IARS2: variants seen among roughly 807,000 people sequenced by gnomAD.
The protein encoded by IARS2 is isoleucyl-tRNA synthetase 2, mitochondrial, also known as isoleucine--tRNA ligase, mitochondrial.
In IARS2, 56 loss-of-function variants were observed where a neutral mutation model predicts 126.3. That is an observed-to-expected ratio of 0.44 (90% confidence interval 0.36 to 0.55). IARS2 has a LOEUF of 0.55. Among genes scored for constraint, IARS2 ranks in the 20% least tolerant of loss-of-function variants. The pLI is 0.00. For missense variants in IARS2, 1,127 were observed against 1,245.9 expected (o/e 0.90, Z 1.44); for synonymous variants, 407 against 441.1 (o/e 0.92, Z 0.97).
At chr1:220,099,640 T>C (rs1383894161) in intron 2 of IARS2, among the ~76,000 whole-genome samples, 2 of 152,186 alleles carry the variant, frequency 1.3e-5, no homozygotes, top group South Asian at 2.1e-4. Context: ...AGATGGGCTC[T>C]CTGATTTCAT....
Position 220,118,402 on chromosome 1 carries a change from G to A in IARS2, c.1640+3928G>A, listed in dbSNP as rs577222789. ...TGTTTTATTTTGATTTGAATTAATA[G>A]TGTCATTTGCATTTTAGATCATATT... is the stretch of plus-strand genomic sequence containing the variant. On this transcript the variant is annotated intron_variant, in intron 12 of 22. Transcript: ENST00000366922. Among the ~76,000 whole-genome samples the A allele has an allele frequency of 1.1e-3, 166 of 152,210 alleles. 1 individual carries two copies. The highest frequency in any genetic ancestry group is 3.8e-3 in the African/African-American group (157 of 41,556).
chr1:220,143,805 T>G (rs1657533771), intron 21 of IARS2, among the ~76,000 whole-genome samples: 1 of 152,238 alleles, frequency 6.6e-6, no homozygotes, highest in South Asian at 2.1e-4. Flanking sequence ...AATTTTATTC[T>G]TGGGATTTTT....
At chr1:220,126,960 T>C (rs896174667) in intron 14 of IARS2, 117 bp downstream of exon 14, 2 of 697,892 alleles carry the variant, frequency 2.9e-6, no homozygotes, top group African/African-American at 3.6e-5. Flanking sequence ...AGAGATCTGC[T>C]ATATTTTAGA....
At chr1:220,102,333 C>G (rs1336731349) in intron 4 of IARS2, 30 bp from the exon 5 acceptor site, 1 of 1,610,742 alleles carries the variant, frequency 6.2e-7, no homozygotes, top group Admixed American at 1.7e-5. Context: ...CAAGATTCTA[C>G]TTTTAACATC....
intron 12 of IARS2, among the ~76,000 whole-genome samples, chr1:220,119,084 C>A (rs1237831819): frequency 2.0e-5 from 3 of 152,156 alleles, no homozygotes; most frequent in Non-Finnish European, 2.9e-5. Flanking sequence ...GGGATGACAG[C>A]AGTCGTTTCT....
At chr1:220,099,690 A>G (rs1056804797) in intron 2 of IARS2, among the ~76,000 whole-genome samples, 21 of 152,332 alleles carry the variant, frequency 1.4e-4, no homozygotes, top group African/African-American at 5.1e-4. Context: ...AAAAATAAGT[A>G]AACAATTTCC....
intron 12 of IARS2, among the ~76,000 whole-genome samples, chr1:220,121,593 A>G (rs959474729): frequency 6.6e-6 from 1 of 152,182 alleles, no homozygotes; most frequent in African/African-American, 2.4e-5. Context: ...ATTTAGGAAT[A>G]TGAAAAAGAA....
intron 11 of IARS2, 133 bp downstream of exon 11, chr1:220,111,070 T>A: frequency 1.2e-6 from 1 of 810,650 alleles, no homozygotes; most frequent in Non-Finnish European, 1.9e-6. Context: ...CATAACATTG[T>A]AGAATTTTAG....
At chr1:220,107,242 C>A in intron 10 of IARS2, 91 bp downstream of exon 10, 2 of 770,106 alleles carry the variant, frequency 2.6e-6, no homozygotes, top group African/African-American at 1.8e-5. Flanking sequence ...TATACTTTAA[C>A]AGAAACAAAA....
chr1:220,102,500 C>T lies in IARS2; in HGVS notation c.755C>T (p.Ala252Val), dbSNP rs1336385278. The change falls in exon 6 of 23, where the codon GCA becomes GTA. Residue 252 changes from alanine to valine, a missense_variant. Physicochemically the swap from Ala to Val is moderately conservative, Grantham distance 64. Transcript: ENST00000366922. ...TTAATATTTTTAACCCTTAGGACTG[C>T]ATTGGCTGAAGCAGAACTTGAATAT... ...PVFWSPSSRT[A>V]LAEAELEYNP... 1.1e-5 allele frequency: 18 copies of T among 1,613,256 alleles called. No homozygotes were observed. The highest frequency in any genetic ancestry group is 2.2e-5 in the East Asian group (1 of 44,842).
At chr1:220,098,920 A>G (rs948158336) in intron 2 of IARS2, among the ~76,000 whole-genome samples, 6 of 152,170 alleles carry the variant, frequency 3.9e-5, no homozygotes, top group Non-Finnish European at 5.9e-5. Context: ...CAGTAGAAAT[A>G]CAATGCAAGC....
At chr1:220,113,166 A>G (rs1460920414) in intron 11 of IARS2, among the ~76,000 whole-genome samples, 1 of 152,122 alleles carries the variant, frequency 6.6e-6, no homozygotes, top group African/African-American at 2.4e-5. Flanking sequence ...TGCTCGGCCA[A>G]ACTCTTTAAA....
intron 20 of IARS2, among the ~76,000 whole-genome samples, 191 bp from the exon 21 acceptor site, chr1:220,142,753 A>G (rs1657515250): frequency 2.0e-5 from 3 of 152,076 alleles, no homozygotes; most frequent in Non-Finnish European, 2.9e-5. Flanking sequence ...TTTTGTTTAA[A>G]TATAACAAAG....
At chr1:220,126,914 C>A (rs1219829084) in intron 14 of IARS2, 71 bp downstream of exon 14, 7 of 1,073,440 alleles carry the variant, frequency 6.5e-6, no homozygotes, top group Non-Finnish European at 9.7e-6. Context: ...TAGAAGGGAT[C>A]TATAATCAAA....
Position 220,126,786 on chromosome 1 carries a change from C to G in IARS2, c.1780C>G (p.Gln594Glu), listed in dbSNP as rs151085900. Residue 594 changes from glutamine to glutamate, a missense_variant, in exon 14 of 23, where the codon CAG becomes GAG. Coordinates refer to ENST00000366922, the MANE Select transcript of IARS2 (RefSeq NM_018060.4). ...GPDALEYVPGQDILDIWFDSG... is the reference protein window; with the variant it reads ...GPDALEYVPGEDILDIWFDSG... Reference sequence around the variant, plus strand: ...TGATGCCTTGGAATATGTGCCAGGTCAGGATATTTTGGACATCTGGTTTGA... The same window carrying G: ...TGATGCCTTGGAATATGTGCCAGGTGAGGATATTTTGGACATCTGGTTTGA... The G allele has an allele frequency of 8.2e-5, 133 of 1,613,246 alleles. No individual in the cohort carries two copies. The East Asian group carries it at 2.9e-3, about 35-fold the overall frequency.
chr1:220,100,377 G>A (rs112076704), intron 2 of IARS2, 113 bp from the exon 3 acceptor site: 4 of 868,408 alleles, frequency 4.6e-6, no homozygotes, highest in Non-Finnish European at 6.8e-6. Flanking sequence ...AACATAAATT[G>A]TAGGCCAAAT....
chr1:220,100,366 G>T (rs1044537781), intron 2 of IARS2, 124 bp from the exon 3 acceptor site: 7 of 766,180 alleles, frequency 9.1e-6, no homozygotes, highest in Non-Finnish European at 1.2e-5. Flanking sequence ...TTAAAAAAAA[G>T]AACATAAATT....
At chr1:220,134,353 ATTAAC>A (rs1657325753) in intron 14 of IARS2, 44 bp from the exon 15 acceptor site, 1 of 1,275,432 alleles carries the variant, frequency 7.8e-7, no homozygotes, top group African/African-American at 1.5e-5. Flanking sequence ...TTCTATTTTA[ATTAAC>A]TTAAATTTCT....
rs1285016132 is a variant in IARS2, at chr1:220,140,233, A to G, written c.2358A>G (p.Leu786=). 3.1e-6 allele frequency: 5 copies of G among 1,613,064 alleles called. No homozygotes were observed. The highest frequency in any genetic ancestry group is 2.5e-6 in the Non-Finnish European group (3 of 1,179,194). The change falls in exon 19 of 23, where the codon TTA becomes TTG. Residue 786 remains leucine, a synonymous_variant. Transcript: ENST00000366922. ...ATTTTGGAAAAGTTGTTCGGCTGTT[A>G]CGGACGTTTTATACCAGAGAGCTCT... ...QYDFGKVVRL[L]RTFYTRELSN... is the part of the protein sequence containing the mutation.
Sources: gnomAD v4.1 joint callset for allele counts (sites outside exome capture counted in the v4.1 genomes callset) on GRCh38, gnomAD v4.1.1 for gene constraint, MANE v1.5 for transcripts, NCBI Gene and HGNC (gene_info 2026-07-23, HGNC 2026-07-21) for gene names.